The following MAPKAP1 variants were observed in gnomAD, a reference collection of about 807,000 sequenced individuals.
The protein encoded by MAPKAP1 is MAPK associated protein 1.
A neutral mutation model predicts 65.7 loss-of-function variants in MAPKAP1; 20 were observed. The observed-to-expected ratio is 0.30, with a 90% CI of 0.21 to 0.44. The LOEUF (loss-of-function observed/expected upper bound fraction) is 0.44. Ranked by LOEUF, MAPKAP1 falls within the 20% of genes least tolerant of loss-of-function variation. MAPKAP1 has a pLI of 1.00. For missense variants in MAPKAP1, 423 were observed against 648.0 expected, an observed-to-expected ratio of 0.65 and a Z score of 3.77; for synonymous variants, 222 against 244.3, an observed-to-expected ratio of 0.91 and a Z score of 0.85.
rs1008145665 is a variant in MAPKAP1, at chr9:125,447,720, G to A, written c.1346-3122C>T. On this transcript the variant is annotated intron_variant, in intron 10 of 11. Coordinates refer to ENST00000265960, the MANE Select transcript of MAPKAP1 (RefSeq NM_001006617.3). The surrounding 1 kb of genome is among the most constrained non-coding windows in gnomAD (Gnocchi z 4.5). Reference sequence around the variant, plus strand: ...TATGATGAGCGTGAAGAAGGTAAACGCAGGGAGCTGCCGTGGAGACACCAA... The same window carrying A: ...TATGATGAGCGTGAAGAAGGTAAACACAGGGAGCTGCCGTGGAGACACCAA... 6.6e-6 allele frequency among the ~76,000 whole-genome samples: 1 copy of A among 152,138 alleles called. No homozygotes were observed. The highest frequency in any genetic ancestry group is 2.4e-5 in the African/African-American group (1 of 41,414).
intron 4 of MAPKAP1, among the ~76,000 whole-genome samples, chr9:125,635,268 C>T (rs1333922622): frequency 1.3e-5 from 2 of 152,192 alleles, no homozygotes; most frequent in African/African-American, 4.8e-5. Flanking sequence ...TCACCTCAAA[C>T]ATCGTTTGTG....
intron 1 of MAPKAP1, among the ~76,000 whole-genome samples, chr9:125,694,292 C>CA (rs1411496970): frequency 1.3e-5 from 2 of 151,424 alleles, no homozygotes; most frequent in African/African-American, 4.9e-5. Flanking sequence ...GGTGCCATCG[C>CA]ACTCCAGCCT....
At chr9:125,585,877 T>C (rs1428669498) in intron 4 of MAPKAP1, 150 bp from the exon 5 acceptor site, 24 of 679,754 alleles carry the variant, frequency 3.5e-5, no homozygotes, top group Non-Finnish European at 5.2e-5. Flanking sequence ...GGAAACACTG[T>C]CTAGTTTCAA....
At chr9:125,677,883 T>C (rs1472954847) in intron 1 of MAPKAP1, among the ~76,000 whole-genome samples, 1 of 152,182 alleles carries the variant, frequency 6.6e-6, no homozygotes, top group Admixed American at 6.5e-5. Context: ...CCATGCACAG[T>C]AGAAGGAAAG....
chr9:125,665,734 T>C (rs1018093867), intron 3 of MAPKAP1, among the ~76,000 whole-genome samples: 8 of 152,248 alleles, frequency 5.3e-5, no homozygotes, highest in Admixed American at 2.6e-4. Flanking sequence ...ATAGGGAATG[T>C]TATTATAACA....
intron 1 of MAPKAP1, among the ~76,000 whole-genome samples, chr9:125,704,416 G>T (rs1835697721): frequency 6.6e-6 from 1 of 151,960 alleles, no homozygotes; most frequent in African/African-American, 2.4e-5. Context: ...GTGTTCTATG[G>T]TACCTCCTGG....
At chr9:125,608,210 AGCT>A (rs1478414658) in intron 4 of MAPKAP1, among the ~76,000 whole-genome samples, 3 of 152,234 alleles carry the variant, frequency 2.0e-5, no homozygotes, top group African/African-American at 7.2e-5. Context: ...TTAATCAAAT[AGCT>A]GCTGTGTTCC....
At chr9:125,500,035 G>A (rs1828923171) in intron 8 of MAPKAP1, among the ~76,000 whole-genome samples, 1 of 152,060 alleles carries the variant, frequency 6.6e-6, no homozygotes, top group Admixed American at 6.6e-5. Flanking sequence ...GTGGAATACT[G>A]CATAGTAGTT....
In MAPKAP1 at chr9:125,439,977, C is replaced by T. The variant is rs1007833195; in HGVS notation, c.1444-965G>A. Among the ~76,000 whole-genome samples the T allele has an allele frequency of 2.0e-5, 3 of 152,160 alleles. No individual in the cohort carries two copies. The highest frequency in any genetic ancestry group is 4.4e-5 in the Non-Finnish European group (3 of 68,038). ...AGGGATACACAGGAGTTTTTGAGTGCGCAACGGGGAGGAGAGACGCAGCAT... is the reference window on the plus strand; with the variant it reads ...AGGGATACACAGGAGTTTTTGAGTGTGCAACGGGGAGGAGAGACGCAGCAT... On this transcript the variant is annotated intron_variant, in intron 11 of 11. Transcript: ENST00000265960. The surrounding 1 kb of genome is among the most constrained non-coding windows in gnomAD (Gnocchi z 4.0).
chr9:125,499,877 C>T (rs570754196), intron 8 of MAPKAP1, among the ~76,000 whole-genome samples: 35 of 151,994 alleles, frequency 2.3e-4, no homozygotes, highest in Non-Finnish European at 1.9e-4. Flanking sequence ...ATCATGGCTA[C>T]TTGGGAGGCT....
intron 3 of MAPKAP1, among the ~76,000 whole-genome samples, chr9:125,658,992 G>C: frequency 6.6e-6 from 1 of 152,158 alleles, no homozygotes; most frequent in East Asian, 1.9e-4. Flanking sequence ...GCTCAAACCT[G>C]TAATCCTAGC....
chr9:125,438,382 A>C lies in MAPKAP1; in HGVS notation c.*505T>G. 2.5e-6 allele frequency: 1 copy of C among 399,158 alleles called. No homozygotes were observed. The highest frequency in any genetic ancestry group is 4.4e-6 in the Non-Finnish European group (1 of 226,222). 24.7% of individuals were successfully genotyped at this position (399,158 alleles called of 1,614,324 possible). The stretch of plus-strand genomic sequence containing the variant: ...TGAGAAATCGAACCATAGCTTTTCC[A>C]ATCTGCCTGTTCAATATGGGAACAG... On this transcript the variant is annotated 3_prime_UTR_variant, in exon 12 of 12. Transcript: ENST00000265960.
At chr9:125,476,246 T>C (rs1313656971) in intron 9 of MAPKAP1, among the ~76,000 whole-genome samples, 1 of 152,208 alleles carries the variant, frequency 6.6e-6, no homozygotes, top group Non-Finnish European at 1.5e-5. Context: ...ATAGCATGCA[T>C]CCTCTGCCTC....
rs955901653 is a variant in MAPKAP1 at position 125,519,463 on chromosome 9, G to A, written c.959-13046C>T. Reference sequence around the variant, plus strand: ...AGCCTGAGCAACACAGTAAGATCCCGTCTCTACAGAAAATAAAAATTAGCC... The same window carrying A: ...AGCCTGAGCAACACAGTAAGATCCCATCTCTACAGAAAATAAAAATTAGCC... On this transcript the variant is annotated intron_variant, in intron 7 of 11. Coordinates refer to ENST00000265960, the MANE Select transcript of MAPKAP1 (RefSeq NM_001006617.3). Among the ~76,000 whole-genome samples, 11 of 151,688 alleles carry A rather than the reference G, an allele frequency of 7.3e-5. No homozygotes were observed. The East Asian group carries it at 7.8e-4, about 11-fold the overall frequency.
intron 4 of MAPKAP1, among the ~76,000 whole-genome samples, chr9:125,590,642 C>T (rs748161243): frequency 1.3e-5 from 2 of 151,538 alleles, no homozygotes; most frequent in African/African-American, 2.4e-5. Flanking sequence ...AAGAGTCAAA[C>T]TCCGTCTCAA....
In MAPKAP1 at chr9:125,506,410, C is replaced by A. The variant is rs748650101; in HGVS notation, c.966G>T (p.Gln322His). The change falls in exon 8 of 12, where the codon CAG (glutamine) becomes CAT (histidine). Residue 322 changes from glutamine to histidine, a missense_variant. Physicochemically the swap from Gln to His is conservative, Grantham distance 24. Coordinates refer to ENST00000265960, the MANE Select transcript of MAPKAP1 (RefSeq NM_001006617.3). ...GCTCGCTCTGCTTCTCCAGGCGGTA[C>A]TGAGGGCCTGGAAGATCAAAGGGGC... Reference protein sequence around the residue: ...RKGSQKVSGPQYRLEKQSEPN... With the variant: ...RKGSQKVSGPHYRLEKQSEPN... 6.2e-7 allele frequency: 1 copy of A among 1,613,876 alleles called. No homozygotes were observed. The highest frequency in any genetic ancestry group is 1.1e-5 in the South Asian group (1 of 91,084).
At chr9:125,617,406 A>C (rs1832776913) in intron 4 of MAPKAP1, among the ~76,000 whole-genome samples, 1 of 152,236 alleles carries the variant, frequency 6.6e-6, no homozygotes, top group Non-Finnish European at 1.5e-5. Flanking sequence ...AGCCACAGTG[A>C]GCCATGATCA....
intron 7 of MAPKAP1, among the ~76,000 whole-genome samples, chr9:125,534,753 C>T (rs1830025646): frequency 6.6e-6 from 1 of 152,124 alleles, no homozygotes; most frequent in Admixed American, 6.5e-5. Context: ...CATGACCTAG[C>T]CCCTGACGAC....
At chr9:125,532,581 T>A (rs1017469299) in intron 7 of MAPKAP1, among the ~76,000 whole-genome samples, 1 of 152,220 alleles carries the variant, frequency 6.6e-6, no homozygotes, top group Non-Finnish European at 1.5e-5. Flanking sequence ...CTTTGTGACA[T>A]TGATTGTTGG....
Sources: allele counts gnomAD v4.1 joint callset (sites outside exome capture counted in the v4.1 genomes callset), GRCh38; gene constraint gnomAD v4.1.1; non-coding constraint Gnocchi (gnomAD v3.1); transcripts MANE v1.5; gene names NCBI Gene and HGNC (gene_info 2026-07-23, HGNC 2026-07-21).